TPH1: variants seen among roughly 807,000 people sequenced by gnomAD.
The protein encoded by TPH1 is tryptophan hydroxylase 1, also known as tryptophan 5-hydroxylase 1.
Under a neutral mutation model 49.5 loss-of-function variants are expected in TPH1, and 37 were observed. That is an observed-to-expected ratio of 0.75 (90% CI 0.58 to 0.98). The LOEUF (loss-of-function observed/expected upper bound fraction) is 0.98, where lower values mean the gene tolerates loss of function less well. Ranked by LOEUF, TPH1 falls within the 50% of genes least tolerant of loss-of-function variation. The pLI, the probability that TPH1 is intolerant of heterozygous loss-of-function variation, is 0.00. For missense variants in TPH1, 487 were observed against 523.6 expected (o/e 0.93, Z 0.68); for synonymous variants, 160 against 182.1 (o/e 0.88, Z 0.98).
chr11:18,036,831 C>A (rs910346390), intron 2 of TPH1, among the ~76,000 whole-genome samples: 1 of 152,132 alleles, frequency 6.6e-6, no homozygotes, highest in Non-Finnish European at 1.5e-5. Context: ...CCAATACTAA[C>A]CAGTGCATCC....
At position 18,033,238 on chromosome 11, in the gene TPH1, G is replaced by A. The variant is rs372788089; in HGVS notation, c.402+36C>T. 6.0e-4 allele frequency: 922 copies of A among 1,529,620 alleles called. 1 individual carries two copies. The highest frequency in any genetic ancestry group is 8.1e-4 in the Non-Finnish European group (892 of 1,103,622). The allele number at this position is 1,529,620 out of a possible 1,614,324, so 94.8% of individuals were successfully genotyped here. A position where few individuals can be genotyped will look rare whatever the true frequency, so the allele number is the denominator to read the frequency against. ...ACTGCACTCCAGTCTGGACAGCAGA[G>A]CAAGACTTGCTCTTAAAAAAAAAGA... On this transcript the variant is annotated intron_variant, in intron 4 of 10. Coordinates refer to ENST00000682019, the MANE Select transcript of TPH1 (RefSeq NM_004179.3).
rs532531102 is a variant in TPH1 at position 18,028,786 on chromosome 11, C to T, written c.667+379G>A. On this transcript the variant is annotated intron_variant, in intron 6 of 10. Transcript: ENST00000682019. ...CCCCTATTAAAAATGCTGTCATTGT[C>T]GGGTGTGGTGGCTCACGCCTGTAAT... Among the ~76,000 whole-genome samples the T allele has an allele frequency of 1.2e-4, 18 of 152,134 alleles. No individual in the cohort carries two copies. In the East Asian group the frequency reaches 1.3e-3, roughly 11 times the overall value.
At chr11:18,041,049 T>G (rs571570585) in intron 1 of TPH1, 1 of 306,972 alleles carries the variant, frequency 3.3e-6, no homozygotes, top group East Asian at 9.0e-5. Context: ...AGGGCATGAC[T>G]GAAGCCTGCT....
At chr11:18,043,073 G>C (rs1848112561) in intron 1 of TPH1, among the ~76,000 whole-genome samples, 1 of 152,164 alleles carries the variant, frequency 6.6e-6, no homozygotes, top group Admixed American at 6.5e-5. Context: ...CATGTTTCCT[G>C]ATACCATCAC....
intron 1 of TPH1, among the ~76,000 whole-genome samples, chr11:18,043,635 C>T (rs1848117275): frequency 6.6e-6 from 1 of 151,910 alleles, no homozygotes. Flanking sequence ...CAAACAACAA[C>T]AACAACAAAA....
chr11:18,024,000 A>G lies in TPH1; in HGVS notation c.931-17T>C, dbSNP rs544942510. The G allele has an allele frequency of 1.7e-5, 27 of 1,564,644 alleles. 1 individual carries two copies. The South Asian group carries it at 2.6e-4, about 15-fold the overall frequency. On this transcript the variant is annotated splice_polypyrimidine_tract_variant and intron_variant, in intron 8 of 10. Coordinates refer to ENST00000682019, the MANE Select transcript of TPH1 (RefSeq NM_004179.3). ...AAAGTAGCACTGCAAAAGAACATCA[A>G]TATTATTCTCACACACTGACGAATT... is the stretch of plus-strand genomic sequence containing the variant.
In TPH1 at chr11:18,022,931, G is replaced by C; in HGVS notation, c.1027C>G (p.His343Asp). The C allele has an allele frequency of 1.2e-6, 2 of 1,613,156 alleles. No individual in the cohort carries two copies. ...ACTTTGGCATGTCCAGAAAGTGCAT[G>C]CTAGAAGACAAAGAGTCAGTGAATC... ...GLLSSISELK[H>D]ALSGHAKVKP... The change falls in exon 10 of 11, where the codon CAT (histidine) becomes GAT (aspartate). Residue 343 changes from histidine to aspartate, a missense_variant and splice_region_variant. By Grantham distance (81) the His-to-Asp change is moderately conservative (BLOSUM62 -1). Transcript: ENST00000682019.
intron 1 of TPH1, among the ~76,000 whole-genome samples, chr11:18,043,543 T>G (rs1848116092): frequency 6.6e-6 from 1 of 152,160 alleles, no homozygotes; most frequent in Non-Finnish European, 1.5e-5. Context: ...AGGCAGAGGT[T>G]GCAGGGAGCA....
At chr11:18,021,355 C>A (rs765173053) in intron 10 of TPH1, among the ~76,000 whole-genome samples, 190 bp from the exon 11 acceptor site, 7 of 152,116 alleles carry the variant, frequency 4.6e-5, no homozygotes, top group Non-Finnish European at 1.0e-4. Flanking sequence ...AAGTGGGAAA[C>A]CTGAAGTAGT....
intron 1 of TPH1, 87 bp from the exon 2 acceptor site, chr11:18,040,875 A>G: frequency 1.6e-6 from 2 of 1,271,094 alleles, no homozygotes; most frequent in Non-Finnish European, 2.2e-6. Context: ...ATTTACTTCT[A>G]GGAGCTTCAG....
At chr11:18,033,748 A>G (rs559533400) in intron 3 of TPH1, among the ~76,000 whole-genome samples, 1 of 152,328 alleles carries the variant, frequency 6.6e-6, no homozygotes, top group East Asian at 1.9e-4. Flanking sequence ...TAAAAACTTC[A>G]TTTATTTTTG....
chr11:18,027,347 G>A (rs778523100), intron 6 of TPH1, among the ~76,000 whole-genome samples: 4 of 152,132 alleles, frequency 2.6e-5, no homozygotes, highest in Non-Finnish European at 4.4e-5. Flanking sequence ...TGCACTGTCC[G>A]GTAAAAATTT....
chr11:18,045,646 T>A (rs996849104), intron 1 of TPH1, among the ~76,000 whole-genome samples: 2 of 152,202 alleles, frequency 1.3e-5, no homozygotes, highest in African/African-American at 4.8e-5. Flanking sequence ...GACTCTTAAC[T>A]GACTCTAAAC....
rs950200065 is a variant in TPH1 at position 18,018,658 on chromosome 11, T to G, written c.*2333A>C. On this transcript the variant is annotated 3_prime_UTR_variant, in exon 11 of 11. Coordinates refer to ENST00000682019, the MANE Select transcript of TPH1 (RefSeq NM_004179.3). ...TCCAGCCTGGGCGACAGAGCAAGAC[T>G]CCGTCTCAAAAAAAAAAAAAAAAAA... 6.4e-5 allele frequency: 5 copies of G among 77,892 alleles called. No homozygotes were observed. The South Asian group carries it at 2.0e-3, about 31-fold the overall frequency. 4.8% of individuals were successfully genotyped at this position (77,892 alleles called of 1,614,324 possible). A position where few individuals can be genotyped will look rare whatever the true frequency, so the allele number is the denominator to read the frequency against.
Position 18,017,888 on chromosome 11 carries a change from C to A in TPH1, c.*3103G>T, listed in dbSNP as rs540193008. On this transcript the variant is annotated 3_prime_UTR_variant, in exon 11 of 11. Coordinates refer to ENST00000682019, the MANE Select transcript of TPH1 (RefSeq NM_004179.3). ...CAGCTTTTGAGCATCCTTAAGAAGTCATGAAGATATTAACTATGTCTTTGA... is the reference window on the plus strand; with the variant it reads ...CAGCTTTTGAGCATCCTTAAGAAGTAATGAAGATATTAACTATGTCTTTGA... 1 of 152,174 alleles carries A rather than the reference C, an allele frequency of 6.6e-6. No homozygotes were observed. The highest frequency in any genetic ancestry group is 1.5e-5 in the Non-Finnish European group (1 of 68,046). 9.4% of individuals were successfully genotyped at this position (152,174 alleles called of 1,614,324 possible).
At chr11:18,038,618 C>T (rs987066066) in intron 2 of TPH1, among the ~76,000 whole-genome samples, 6 of 152,004 alleles carry the variant, frequency 3.9e-5, no homozygotes, top group South Asian at 2.1e-4. Flanking sequence ...ATAGTGTACA[C>T]GTGATTTAAT....
At chr11:18,021,429 A>G (rs1401342102) in intron 10 of TPH1, among the ~76,000 whole-genome samples, 1 of 152,210 alleles carries the variant, frequency 6.6e-6, no homozygotes, top group Admixed American at 6.5e-5. Flanking sequence ...TTACTAGGGA[A>G]AGATCCCATA....
At chr11:18,022,614 G>A (rs765529292) in intron 10 of TPH1, among the ~76,000 whole-genome samples, 184 bp downstream of exon 10, 1 of 152,138 alleles carries the variant, frequency 6.6e-6, no homozygotes, top group Non-Finnish European at 1.5e-5. Flanking sequence ...ATTCATATTT[G>A]CAACTATGCA....
At chr11:18,036,257 G>C in intron 2 of TPH1, 115 bp from the exon 3 acceptor site, 1 of 775,888 alleles carries the variant, frequency 1.3e-6, no homozygotes. Context: ...GAACAGCAAA[G>C]GGAAAAAGAC....
Sources: gnomAD v4.1 joint callset for allele counts (sites outside exome capture counted in the v4.1 genomes callset) on GRCh38, gnomAD v4.1.1 for gene constraint, MANE v1.5 for transcripts, NCBI Gene and HGNC (gene_info 2026-07-23, HGNC 2026-07-21) for gene names.